DYNC2H1: variants seen among roughly 807,000 people sequenced by gnomAD.
The protein encoded by DYNC2H1 is cytoplasmic dynein 2 heavy chain 1.
A neutral mutation model predicts 570.0 loss-of-function variants in DYNC2H1; 410 were observed. That is an observed-to-expected ratio of 0.72 (90% CI 0.66 to 0.78). The LOEUF (loss-of-function observed/expected upper bound fraction) is 0.78. Ranked by LOEUF, DYNC2H1 falls within the 30% of genes least tolerant of loss-of-function variation. The pLI is 0.00. For missense variants in DYNC2H1, 4,865 were observed against 5,046.4 expected (o/e 0.96, Z 1.09); for synonymous variants, 1,688 against 1,677.6 (o/e 1.01, Z -0.15).
At chr11:103,154,277 A>T (rs573444308) in intron 22 of DYNC2H1, among the ~76,000 whole-genome samples, 174 bp from the exon 23 acceptor site, 21 of 152,162 alleles carry the variant, frequency 1.4e-4, no homozygotes, top group South Asian at 4.1e-4. Flanking sequence ...GTAAATAGGT[A>T]GTTTCTTAAT....
chr11:103,304,213 A>C (rs1374001504), intron 76 of DYNC2H1, among the ~76,000 whole-genome samples: 3 of 152,076 alleles, frequency 2.0e-5, no homozygotes, highest in Non-Finnish European at 4.4e-5. Flanking sequence ...AATATAAATG[A>C]AAGATAGCAA....
intron 53 of DYNC2H1, among the ~76,000 whole-genome samples, chr11:103,211,164 T>C (rs192250438): frequency 5.9e-5 from 9 of 151,398 alleles, no homozygotes; most frequent in Admixed American, 2.6e-4. Context: ...TTGATGATTA[T>C]GTAATGGCTG....
chr11:103,459,048 G>A (rs1043651910), intron 87 of DYNC2H1, among the ~76,000 whole-genome samples: 3 of 151,630 alleles, frequency 2.0e-5, no homozygotes, highest in African/African-American at 4.8e-5. Flanking sequence ...GGTGGCTCAC[G>A]CCTGTAATCC....
chr11:103,194,444 T>C (rs1862438036), intron 47 of DYNC2H1, among the ~76,000 whole-genome samples: 1 of 152,228 alleles, frequency 6.6e-6, no homozygotes, highest in African/African-American at 2.4e-5. Flanking sequence ...AGGAATGCAA[T>C]TGCAGGGTTG....
chr11:103,390,679 G>T (rs971144718), intron 83 of DYNC2H1, among the ~76,000 whole-genome samples: 1 of 152,168 alleles, frequency 6.6e-6, no homozygotes, highest in Non-Finnish European at 1.5e-5. Flanking sequence ...AGGAGCTCTT[G>T]TAGGGCAGGC....
chr11:103,433,039 C>A (rs946976329), intron 84 of DYNC2H1, among the ~76,000 whole-genome samples: 1 of 152,026 alleles, frequency 6.6e-6, no homozygotes, highest in African/African-American at 2.4e-5. Context: ...ATAATTTATT[C>A]ATAAAGCACC....
At chr11:103,219,079 T>C (rs1178666245) in intron 55 of DYNC2H1, among the ~76,000 whole-genome samples, 1 of 152,188 alleles carries the variant, frequency 6.6e-6, no homozygotes, top group African/African-American at 2.4e-5. Context: ...ATATGTTTTA[T>C]TATGATTGTT....
chr11:103,143,792 A>G (rs1034930761), intron 18 of DYNC2H1, among the ~76,000 whole-genome samples: 22 of 152,162 alleles, frequency 1.4e-4, no homozygotes, highest in Admixed American at 6.5e-5. Flanking sequence ...TGGAAGGCAC[A>G]CAACATAGTG....
intron 87 of DYNC2H1, 136 bp from the exon 88 acceptor site, chr11:103,468,453 G>A: frequency 3.4e-6 from 2 of 592,890 alleles, no homozygotes; most frequent in South Asian, 2.5e-5. Context: ...TATTCTCAAA[G>A]TACCATAATC....
At chr11:103,219,376 G>A (rs1009621524) in intron 55 of DYNC2H1, among the ~76,000 whole-genome samples, 2 of 151,960 alleles carry the variant, frequency 1.3e-5, no homozygotes, top group African/African-American at 4.8e-5. Flanking sequence ...CATTTTGGGA[G>A]GCTGAGGTGG....
chr11:103,182,028 G>A, intron 40 of DYNC2H1, 142 bp downstream of exon 40: 1 of 775,468 alleles, frequency 1.3e-6, no homozygotes, highest in Non-Finnish European at 2.0e-6. Flanking sequence ...CTACTCCTCT[G>A]TATCTCTTAG....
In DYNC2H1 at chr11:103,433,481, G is replaced by A. The variant is rs577788072; in HGVS notation, c.12367-2462G>A. ...CAGTTTTTGTGGGTCTAGAATCCAA[G>A]TGTGGTTTAGCTGAGTATTCTGGCT... On this transcript the variant is annotated intron_variant, in intron 84 of 88. Coordinates refer to ENST00000375735, the MANE Select transcript of DYNC2H1 (RefSeq NM_001377.3). 8.5e-5 allele frequency among the ~76,000 whole-genome samples: 13 copies of A among 152,242 alleles called. No individual in the cohort carries two copies. In the South Asian group the frequency reaches 2.5e-3, roughly 29 times the overall value.
Position 103,155,323 on chromosome 11 carries a change from T to G in DYNC2H1, c.3574-8T>G, listed in dbSNP as rs1565349440. ...CATATGACTTTTTCTTTTTTTTTTT[T>G]GTAACAGATCGTAATTCCTATCTTG... On this transcript the variant is annotated splice_polypyrimidine_tract_variant and splice_region_variant and intron_variant, in intron 24 of 88. Coordinates refer to ENST00000375735, the MANE Select transcript of DYNC2H1 (RefSeq NM_001377.3). 3.2e-6 allele frequency: 5 copies of G among 1,552,276 alleles called. No homozygotes were observed. Among genetic ancestry groups the G allele is most frequent in the South Asian group, 1.2e-5 (1 of 83,254 alleles).
intron 83 of DYNC2H1, among the ~76,000 whole-genome samples, chr11:103,393,616 G>C (rs2135622341): frequency 6.6e-6 from 1 of 152,236 alleles, no homozygotes. Context: ...TTAGTGTTCT[G>C]TAGGTTTCTC....
intron 10 of DYNC2H1, among the ~76,000 whole-genome samples, 167 bp downstream of exon 10, chr11:103,121,663 G>T (rs933668482): frequency 6.6e-6 from 1 of 152,142 alleles, no homozygotes; most frequent in African/African-American, 2.4e-5. Flanking sequence ...CAGAGGAGTC[G>T]TAATGGTTCT....
At chr11:103,464,618 G>A (rs1480537103) in intron 87 of DYNC2H1, among the ~76,000 whole-genome samples, 3 of 151,974 alleles carry the variant, frequency 2.0e-5, no homozygotes, top group African/African-American at 7.2e-5. Flanking sequence ...TGTTGACAGC[G>A]GACTTCTCAT....
intron 88 of DYNC2H1, among the ~76,000 whole-genome samples, chr11:103,476,753 C>T (rs111457310): frequency 1.5e-3 from 226 of 151,482 alleles, no homozygotes; most frequent in African/African-American, 5.2e-3. Context: ...GTGTGGGCGG[C>T]GGAGGGAGAG....
rs1299354531 is a variant in DYNC2H1, at chr11:103,459,283, T to C, written c.12648+2927T>C. 6.6e-5 allele frequency among the ~76,000 whole-genome samples: 6 copies of C among 90,558 alleles called. No homozygotes were observed. In the South Asian group the frequency reaches 1.3e-3, roughly 20 times the overall value. The allele number at this position is 90,558 out of a possible 152,430, so 59.4% of individuals were successfully genotyped here. A position where few individuals can be genotyped will look rare whatever the true frequency, so the allele number is the denominator to read the frequency against. On this transcript the variant is annotated intron_variant, in intron 87 of 88. Coordinates refer to ENST00000375735, the MANE Select transcript of DYNC2H1 (RefSeq NM_001377.3). ...GAGATCCCGCCACTGCACTCCAGCC[T>C]GGGCGACAGAGCGAGACTCCGTCTC...
At chr11:103,234,718 C>T (rs1226206063) in intron 61 of DYNC2H1, among the ~76,000 whole-genome samples, 1 of 151,848 alleles carries the variant, frequency 6.6e-6, no homozygotes, top group Non-Finnish European at 1.5e-5. Flanking sequence ...ATCACCTACA[C>T]CTTCATAATG....
Sources: allele counts gnomAD v4.1 joint callset (sites outside exome capture counted in the v4.1 genomes callset), GRCh38; gene constraint gnomAD v4.1.1; transcripts MANE v1.5; gene names NCBI Gene and HGNC (gene_info 2026-07-23, HGNC 2026-07-21).